Variants in PTPRR observed in about 807,000 individuals in gnomAD.
PTPRR encodes protein tyrosine phosphatase receptor type R.
Under a neutral mutation model 77.2 loss-of-function variants are expected in PTPRR, and 38 were observed. The observed-to-expected ratio is 0.49, with a 90% CI of 0.38 to 0.65. PTPRR has a LOEUF of 0.65. PTPRR is among the 30% of genes least tolerant of loss of function. The pLI is 0.00. For synonymous variants in PTPRR, 299 were observed against 283.1 expected, an observed-to-expected ratio of 1.06 and a Z score of -0.57; for missense variants, 744 against 799.2, an observed-to-expected ratio of 0.93 and a Z score of 0.83.
At chr12:70,884,181 A>G (rs1316971420) in intron 2 of PTPRR, among the ~76,000 whole-genome samples, 2 of 152,150 alleles carry the variant, frequency 1.3e-5, no homozygotes, top group African/African-American at 2.4e-5. Flanking sequence ...TGCTTCTACC[A>G]CCTGAGTCAT....
At chr12:70,796,728 T>TA (rs1285199951) in intron 2 of PTPRR, among the ~76,000 whole-genome samples, 51 of 150,940 alleles carry the variant, frequency 3.4e-4, no homozygotes, top group Non-Finnish European at 6.9e-4. Flanking sequence ...CGGTGTGATT[T>TA]AAAAAAAAAA....
intron 2 of PTPRR, among the ~76,000 whole-genome samples, chr12:70,873,399 T>C (rs998610805): frequency 1.3e-5 from 2 of 152,104 alleles, no homozygotes; most frequent in East Asian, 1.9e-4. Context: ...TGAGAAACAA[T>C]TGCAGAGGAA....
At chr12:70,859,442 C>T (rs1040218432) in intron 2 of PTPRR, among the ~76,000 whole-genome samples, 1 of 151,874 alleles carries the variant, frequency 6.6e-6, no homozygotes, top group Non-Finnish European at 1.5e-5. Context: ...ATTGTATCAT[C>T]GTTTTATGAT....
intron 10 of PTPRR, among the ~76,000 whole-genome samples, chr12:70,667,576 G>A (rs1019711796): frequency 6.6e-6 from 1 of 152,096 alleles, no homozygotes; most frequent in African/African-American, 2.4e-5. Context: ...AGGCTAGGTG[G>A]CCTTGGTCAT....
chr12:70,679,821 T>C (rs938737623), intron 10 of PTPRR, among the ~76,000 whole-genome samples: 8 of 152,190 alleles, frequency 5.3e-5, no homozygotes, highest in African/African-American at 1.9e-4. Flanking sequence ...TAGGTGAGTC[T>C]TGCGTTTTTT....
rs116734519 is a variant in PTPRR at position 70,683,309 on chromosome 12, A to C, written c.1497+818T>G. Among the ~76,000 whole-genome samples, 1,013 of 152,314 alleles carry C rather than the reference A, an allele frequency of 6.7e-3. 11 individuals are homozygous for C. The highest frequency in any genetic ancestry group is 0.023 in the African/African-American group (943 of 41,566). On this transcript the variant is annotated intron_variant, in intron 10 of 13. Coordinates refer to ENST00000283228, the MANE Select transcript of PTPRR (RefSeq NM_002849.4). Reference sequence around the variant, plus strand: ...ATCCCAGTAAGTTGTCCTAAAATGAAAGCGGTACCTCGGATATCAGCCCTC... The same window carrying C: ...ATCCCAGTAAGTTGTCCTAAAATGACAGCGGTACCTCGGATATCAGCCCTC...
intron 2 of PTPRR, among the ~76,000 whole-genome samples, chr12:70,792,356 T>G (rs1287171044): frequency 6.6e-6 from 1 of 152,192 alleles, no homozygotes; most frequent in Non-Finnish European, 1.5e-5. Context: ...AATTAGGCCT[T>G]CTTACCCCAT....
At chr12:70,669,791 G>A (rs1199585197) in intron 10 of PTPRR, among the ~76,000 whole-genome samples, 1 of 151,998 alleles carries the variant, frequency 6.6e-6, no homozygotes, top group Non-Finnish European at 1.5e-5. Context: ...GTAGAGACAA[G>A]GTATCCTTAT....
rs746156106 is a variant in PTPRR, at chr12:70,745,994, C to A, written c.831G>T (p.Gln277His). The change falls in exon 6 of 14, where the codon CAG (glutamine) becomes CAT (histidine). Residue 277 changes from glutamine (Q) to histidine (H), a missense_variant. By Grantham distance (24) the Gln-to-His change is conservative. Transcript: ENST00000283228. ...QEIHLSPITLQPALSEAKTVH... is the reference protein window; with the variant it reads ...QEIHLSPITLHPALSEAKTVH... ...CTGTCTTTGCCTCGGACAGTGCTGG[C>A]TGTAATGTGATGGGCGATAGGTGGA... 46 of 1,613,906 alleles carry A rather than the reference C, an allele frequency of 2.9e-5. No individual in the cohort carries two copies. In the Admixed American group the frequency reaches 4.7e-4, roughly 16 times the overall value.
At chr12:70,693,359 T>C (rs1888118221) in intron 8 of PTPRR, among the ~76,000 whole-genome samples, 1 of 152,132 alleles carries the variant, frequency 6.6e-6, no homozygotes, top group Admixed American at 6.5e-5. Flanking sequence ...CTCCCAGATG[T>C]GATCACAGCT....
chr12:70,900,365 C>G (rs191707840), intron 1 of PTPRR, among the ~76,000 whole-genome samples: 21 of 151,130 alleles, frequency 1.4e-4, no homozygotes, highest in Non-Finnish European at 2.8e-4. Flanking sequence ...ATACATCACA[C>G]CATATACAAA....
At chr12:70,762,430 G>T (rs1464161985) in intron 3 of PTPRR, among the ~76,000 whole-genome samples, 1 of 152,140 alleles carries the variant, frequency 6.6e-6, no homozygotes, top group Non-Finnish European at 1.5e-5. Context: ...TCTCATGCTA[G>T]AAAGTTTTCT....
chr12:70,660,570 A>G (rs1205841104), intron 12 of PTPRR, among the ~76,000 whole-genome samples: 8 of 152,238 alleles, frequency 5.3e-5, no homozygotes, highest in South Asian at 2.1e-4. Flanking sequence ...ACAACAAAAA[A>G]GCCACTGATA....
intron 2 of PTPRR, among the ~76,000 whole-genome samples, chr12:70,881,953 TTTCTC>T (rs771804410): frequency 2.6e-5 from 4 of 152,218 alleles, no homozygotes; most frequent in Non-Finnish European, 5.9e-5. Context: ...CTATATTTGT[TTTCTC>T]TTCTAAAGTA....
At chr12:70,640,448 G>A (rs766936637) in intron 13 of PTPRR, among the ~76,000 whole-genome samples, 6 of 152,146 alleles carry the variant, frequency 3.9e-5, no homozygotes, top group Non-Finnish European at 5.9e-5. Context: ...GGAATCACAG[G>A]CTTGAACGAC....
intron 2 of PTPRR, among the ~76,000 whole-genome samples, chr12:70,808,392 C>T (rs1472414153): frequency 6.6e-6 from 1 of 152,164 alleles, no homozygotes; most frequent in African/African-American, 2.4e-5. Flanking sequence ...CTGTGACCCA[C>T]ACCCTATTTG....
At chr12:70,765,158 G>C (rs910234388) in intron 2 of PTPRR, among the ~76,000 whole-genome samples, 1 of 152,148 alleles carries the variant, frequency 6.6e-6, no homozygotes, top group Non-Finnish European at 1.5e-5. Flanking sequence ...GACAGTGGGC[G>C]CAGGACAGTG....
At chr12:70,774,332 A>G (rs969270939) in intron 2 of PTPRR, among the ~76,000 whole-genome samples, 3 of 152,200 alleles carry the variant, frequency 2.0e-5, no homozygotes, top group African/African-American at 4.8e-5. Flanking sequence ...GCAGAACTCA[A>G]TTCCCAGAGG....
At chr12:70,766,568 G>C (rs543217908) in intron 2 of PTPRR, among the ~76,000 whole-genome samples, 2 of 151,928 alleles carry the variant, frequency 1.3e-5, no homozygotes, top group Non-Finnish European at 2.9e-5. Context: ...GGGGAGAATG[G>C]AACCAAGTTG....
Sources: gnomAD v4.1 joint callset for allele counts (sites outside exome capture counted in the v4.1 genomes callset) on GRCh38, gnomAD v4.1.1 for gene constraint, MANE v1.5 for transcripts, NCBI Gene and HGNC (gene_info 2026-07-23, HGNC 2026-07-21) for gene names.